The following NEBL variants were observed in gnomAD, a reference collection of about 807,000 sequenced individuals.
NEBL encodes nebulette.
A neutral mutation model predicts 140.2 loss-of-function variants in NEBL; 122 were observed. The observed-to-expected ratio is 0.87, with a 90% confidence interval of 0.75 to 1.01. NEBL has a LOEUF of 1.01. NEBL is among the 50% of genes least tolerant of loss of function. The pLI, the probability that NEBL is intolerant of heterozygous loss-of-function variation, is 0.00. For synonymous variants in NEBL, 436 were observed against 398.9 expected (o/e 1.09, Z -1.11); for missense variants, 1,365 against 1,231.3 (o/e 1.11, Z -1.62).
At chr10:20,980,837 T>C (rs1424133864) in intron 3 of NEBL, among the ~76,000 whole-genome samples, 5 of 152,264 alleles carry the variant, frequency 3.3e-5, no homozygotes, top group Non-Finnish European at 7.3e-5. Flanking sequence ...AAACAAAGCA[T>C]ATTTTAAGTT....
chr10:20,790,931 TTCAA>T (rs1835900824), intron 26 of NEBL, among the ~76,000 whole-genome samples: 1 of 152,222 alleles, frequency 6.6e-6, no homozygotes, highest in Non-Finnish European at 1.5e-5. Context: ...ACAAGGGCTT[TTCAA>T]TCAAAGAGTA....
intron 3 of NEBL, among the ~76,000 whole-genome samples, chr10:21,230,466 T>C (rs1308401739): frequency 2.6e-5 from 4 of 152,292 alleles, no homozygotes; most frequent in South Asian, 2.1e-4. Flanking sequence ...TTTATTAAAA[T>C]GTAAATTACT....
At chr10:20,828,216 A>G (rs1840074649) in intron 17 of NEBL, among the ~76,000 whole-genome samples, 1 of 152,210 alleles carries the variant, frequency 6.6e-6, no homozygotes, top group Admixed American at 6.5e-5. Context: ...ATCACTTCAT[A>G]TGACTATTTT....
At chr10:20,822,175 T>C (rs1839386068) in intron 19 of NEBL, among the ~76,000 whole-genome samples, 1 of 152,168 alleles carries the variant, frequency 6.6e-6, no homozygotes, top group African/African-American at 2.4e-5. Context: ...TATACTCCTA[T>C]CTCTGTTTCT....
intron 2 of NEBL, among the ~76,000 whole-genome samples, chr10:21,098,015 T>C (rs1837277253): frequency 6.6e-6 from 1 of 152,200 alleles, no homozygotes; most frequent in Admixed American, 6.5e-5. Flanking sequence ...ATGTTTTCTG[T>C]AACCCTGGTA....
At chr10:21,178,761 A>G (rs749534209), upstream of NEBL, among the ~76,000 whole-genome samples, 9 of 152,238 alleles carry the variant, frequency 5.9e-5, no homozygotes, top group Non-Finnish European at 1.3e-4. Context: ...CCAATTTATC[A>G]AAAGCATCTG....
intron 3 of NEBL, among the ~76,000 whole-genome samples, chr10:21,016,461 AAG>A (rs1362978842): frequency 6.6e-6 from 1 of 152,238 alleles, no homozygotes; most frequent in Non-Finnish European, 1.5e-5. Flanking sequence ...ATAAAAAGAA[AAG>A]AGAAAATTTT....
At chr10:21,080,670 G>C (rs1836323837) in intron 2 of NEBL, among the ~76,000 whole-genome samples, 1 of 152,096 alleles carries the variant, frequency 6.6e-6, no homozygotes, top group Non-Finnish European at 1.5e-5. Context: ...AGCAAGGCTG[G>C]GTTTCTGGAT....
Position 21,183,527 on chromosome 10 carries a change from A to G in NEBL, n.349-11050T>C, listed in dbSNP as rs560686839. 3.9e-5 allele frequency among the ~76,000 whole-genome samples: 6 copies of G among 152,334 alleles called. No individual in the cohort carries two copies. The South Asian group carries it at 1.2e-3, about 32-fold the overall frequency. On this transcript the variant is annotated intron_variant and non_coding_transcript_variant, in intron 3 of 8. Coordinates refer to the NEBL transcript ENST00000675702. ...CTGAGCCCAGAAGTGAACAAAAACC[A>G]AGAGTCTGGAAAAAATCAGCAGGGC... is the stretch of plus-strand genomic sequence containing the variant.
chr10:21,044,273 T>C (rs984861367), intron 2 of NEBL, among the ~76,000 whole-genome samples: 5 of 151,744 alleles, frequency 3.3e-5, no homozygotes, highest in African/African-American at 1.2e-4. Flanking sequence ...GGTGGGCGCC[T>C]GTAATCCCAG....
chr10:21,199,153 T>C (rs1841695798), intron 3 of NEBL, among the ~76,000 whole-genome samples: 1 of 151,304 alleles, frequency 6.6e-6, no homozygotes, highest in African/African-American at 2.4e-5. Context: ...GACTTCTGAG[T>C]TGCTGGGACG....
intron 12 of NEBL, among the ~76,000 whole-genome samples, chr10:20,841,828 G>A (rs1841434565): frequency 6.6e-6 from 1 of 152,056 alleles, no homozygotes; most frequent in South Asian, 2.1e-4. Flanking sequence ...GCTTTTGGAA[G>A]GCTGTCTCCA....
At chr10:21,002,875 A>T (rs553284956) in intron 3 of NEBL, among the ~76,000 whole-genome samples, 3 of 152,132 alleles carry the variant, frequency 2.0e-5, no homozygotes, top group Non-Finnish European at 4.4e-5. Context: ...ATACAGAGCT[A>T]AACCATATCA....
At chr10:21,250,224 T>G (rs1365557126) in intron 2 of NEBL, among the ~76,000 whole-genome samples, 1 of 152,188 alleles carries the variant, frequency 6.6e-6, no homozygotes, top group Non-Finnish European at 1.5e-5. Flanking sequence ...GAAAGGCAGA[T>G]GCACCCTTAA....
chr10:20,808,406 C>T, intron 26 of NEBL, 104 bp downstream of exon 26: 1 of 1,181,528 alleles, frequency 8.5e-7, no homozygotes, highest in Non-Finnish European at 1.2e-6. Flanking sequence ...TCAAATACAG[C>T]CAGGATAGAT....
chr10:20,988,318 T>G (rs1471655465), intron 3 of NEBL, among the ~76,000 whole-genome samples: 1 of 152,202 alleles, frequency 6.6e-6, no homozygotes, highest in Non-Finnish European at 1.5e-5. Context: ...TCCACATTAC[T>G]CTGCCTCCTC....
At chr10:20,981,144 G>A (rs1330995990) in intron 3 of NEBL, among the ~76,000 whole-genome samples, 2 of 152,048 alleles carry the variant, frequency 1.3e-5, no homozygotes, top group African/African-American at 2.4e-5. Flanking sequence ...AAACACACAG[G>A]TTAATTCACT....
chr10:21,082,263 G>T (rs1836401057), intron 2 of NEBL, among the ~76,000 whole-genome samples: 1 of 152,094 alleles, frequency 6.6e-6, no homozygotes, highest in Non-Finnish European at 1.5e-5. Flanking sequence ...GGATCCTTTT[G>T]CAATAAAGAA....
chr10:20,816,114 C>A (rs986345470), intron 21 of NEBL, among the ~76,000 whole-genome samples: 1 of 152,106 alleles, frequency 6.6e-6, no homozygotes, highest in African/African-American at 2.4e-5. Context: ...TTGTAGGAAA[C>A]TACAAAAAAT....
Sources: gnomAD v4.1 joint callset for allele counts (sites outside exome capture counted in the v4.1 genomes callset) on GRCh38, gnomAD v4.1.1 for gene constraint, MANE v1.5 for transcripts, NCBI Gene and HGNC (gene_info 2026-07-23, HGNC 2026-07-21) for gene names.